CEACAM1: variants seen among roughly 807,000 people sequenced by gnomAD.
The protein encoded by CEACAM1 is CEA cell adhesion molecule 1, also known as cell adhesion molecule CEACAM1.
Under a neutral mutation model 49.1 loss-of-function variants are expected in CEACAM1, and 31 were observed. The ratio of observed to expected loss-of-function variants is 0.63; its 90% CI spans 0.47 to 0.85. The LOEUF (loss-of-function observed/expected upper bound fraction) is 0.85, where lower values mean the gene tolerates loss of function less well. Ranked by LOEUF, CEACAM1 falls within the 40% of genes least tolerant of loss-of-function variation. The pLI, the probability that CEACAM1 is intolerant of heterozygous loss-of-function variation, is 0.00. For synonymous variants in CEACAM1, 244 were observed against 247.8 expected, an observed-to-expected ratio of 0.98 and a Z score of 0.14; for missense variants, 570 against 645.3, an observed-to-expected ratio of 0.88 and a Z score of 1.26.
At position 42,528,476 on chromosome 19, in the gene CEACAM1, T is replaced by G; in HGVS notation, c.-102A>C. ...GTCACCTCTGCTGTTTTCCACTCTCTGTGCTGAGCCTCCTCCCTGGGGCCC... is the reference window on the plus strand; with the variant it reads ...GTCACCTCTGCTGTTTTCCACTCTCGGTGCTGAGCCTCCTCCCTGGGGCCC... On this transcript the variant is annotated 5_prime_UTR_variant, in exon 1 of 9. Coordinates refer to ENST00000161559, the MANE Select transcript of CEACAM1 (RefSeq NM_001712.5). 8.7e-6 allele frequency: 10 copies of G among 1,143,014 alleles called. No homozygotes were observed. The highest frequency in any genetic ancestry group is 1.2e-5 in the Non-Finnish European group (9 of 770,798). 70.8% of individuals were successfully genotyped at this position (1,143,014 alleles called of 1,614,324 possible).
chr19:42,519,088 G>A lies in CEACAM1; in HGVS notation c.1106C>T (p.Ser369Leu), dbSNP rs1052286625. ...GCCCTGGGACAGCTTCATCCTCTCC[G>A]AGGACGGGAGACTCTGGTTTTTGAA... is the stretch of plus-strand genomic sequence containing the variant. ...WFFKNQSLPS[S>L]ERMKLSQGNT... Residue 369 changes from serine to leucine, a missense_variant, in exon 5 of 9, where the codon TCG becomes TTG. Ser to Leu is a moderately radical substitution (Grantham distance 145). Coordinates refer to ENST00000161559, the MANE Select transcript of CEACAM1 (RefSeq NM_001712.5). 1.1e-5 allele frequency: 17 copies of A among 1,613,964 alleles called. No homozygotes were observed. Among genetic ancestry groups the A allele is most frequent in the Admixed American group, 1.7e-5 (1 of 59,996 alleles).
At chr19:42,524,834 G>A (rs960501963) in intron 2 of CEACAM1, among the ~76,000 whole-genome samples, 3 of 152,148 alleles carry the variant, frequency 2.0e-5, no homozygotes, top group Non-Finnish European at 4.4e-5. Flanking sequence ...CCAAGACCAG[G>A]GAGCCCTGAA....
intron 2 of CEACAM1, among the ~76,000 whole-genome samples, chr19:42,525,338 C>G (rs1484037997): frequency 6.6e-6 from 1 of 151,688 alleles, no homozygotes; most frequent in South Asian, 2.1e-4. Context: ...GATTCTACCA[C>G]CTCAGCATCC....
At chr19:42,510,436 C>G (rs112275914) in intron 8 of CEACAM1, among the ~76,000 whole-genome samples, 3,165 of 152,300 alleles carry the variant, frequency 0.021, 71 homozygotes, top group African/African-American at 0.06. Context: ...GATCTCAGAT[C>G]TATTAAAATT....
chr19:42,512,224 G>A (rs1015672452), intron 6 of CEACAM1, 126 bp downstream of exon 6: 16 of 1,090,888 alleles, frequency 1.5e-5, no homozygotes, highest in African/African-American at 1.1e-4. Context: ...AATTAGTGCC[G>A]AGAAGCAGGA....
chr19:42,528,015 T>C (rs1351850305), intron 1 of CEACAM1, among the ~76,000 whole-genome samples: 1 of 152,234 alleles, frequency 6.6e-6, no homozygotes, highest in African/African-American at 2.4e-5. Context: ...CCTTTTAAAA[T>C]GTTTTCCTTA....
At chr19:42,513,893 C>CAT (rs144403954) in intron 5 of CEACAM1, among the ~76,000 whole-genome samples, 5,217 of 104,796 alleles carry the variant, frequency 0.05, 199 homozygotes, top group South Asian at 0.12. Flanking sequence ...CTTCTCCCTC[C>CAT]ATATATATAT....
intron 5 of CEACAM1, among the ~76,000 whole-genome samples, chr19:42,517,315 G>T (rs907006695): frequency 6.6e-6 from 1 of 152,222 alleles, no homozygotes; most frequent in African/African-American, 2.4e-5. Flanking sequence ...GAAAGAAGAA[G>T]TAGAGAAATT....
At chr19:42,510,959 G>T in intron 7 of CEACAM1, 39 bp from the exon 8 acceptor site, 1 of 1,606,468 alleles carries the variant, frequency 6.2e-7, no homozygotes, top group East Asian at 2.2e-5. Context: ...CCATGGAAAT[G>T]CAAAGCTGAC....
chr19:42,527,265 C>A lies in CEACAM1; in HGVS notation c.200G>T (p.Trp67Leu). 1 of 1,614,024 alleles carries A rather than the reference C, an allele frequency of 6.2e-7. No individual in the cohort carries two copies. Among genetic ancestry groups the A allele is most frequent in the Non-Finnish European group, 8.5e-7 (1 of 1,179,968 alleles). Residue 67 changes from tryptophan (W) to leucine (L), a missense_variant, in exon 2 of 9, where the codon TGG (tryptophan) becomes TTG (leucine). Trp to Leu is a moderately conservative substitution (Grantham distance 61). Transcript: ENST00000161559. ...NLPQQLFGYS[W>L]YKGERVDGNR... ...GCCATCCACTCTTTCCCCTTTGTAC[C>A]AGCTGTAGCCAAAAAGTTGCTGGGG...
intron 5 of CEACAM1, chr19:42,515,059 A>C (rs546416896): frequency 1.5e-6 from 1 of 673,250 alleles, no homozygotes; most frequent in Admixed American, 2.2e-5. Flanking sequence ...GCTTGAGCCC[A>C]GGAGTTCGAG....
At chr19:42,524,039 G>A (rs1356691118) in intron 2 of CEACAM1, among the ~76,000 whole-genome samples, 1 of 152,238 alleles carries the variant, frequency 6.6e-6, no homozygotes, top group African/African-American at 2.4e-5. Flanking sequence ...ACAAATTCCT[G>A]TGGAAATTCA....
chr19:42,517,589 C>A (rs1369363513), intron 5 of CEACAM1, among the ~76,000 whole-genome samples: 2 of 152,158 alleles, frequency 1.3e-5, no homozygotes, highest in Non-Finnish European at 2.9e-5. Flanking sequence ...TATTGCTAAT[C>A]ATTAGGGAAG....
At chr19:42,519,508 A>T (rs1317231917) in intron 4 of CEACAM1, 21 of 411,468 alleles carry the variant, frequency 5.1e-5, no homozygotes, top group Non-Finnish European at 8.7e-5. Flanking sequence ...TCCACTTGGA[A>T]TCTTCTTCTC....
rs765715380 is a variant in CEACAM1 at position 42,521,910 on chromosome 19, C to T, written c.703+14G>A. 1 of 1,614,194 alleles carries T rather than the reference C, an allele frequency of 6.2e-7. No individual in the cohort carries two copies. Among genetic ancestry groups the T allele is most frequent in the East Asian group, 2.2e-5 (1 of 44,886 alleles). On this transcript the variant is annotated intron_variant, in intron 3 of 8. Transcript: ENST00000161559. Reference sequence around the variant, plus strand: ...GCTGGCAGCCTGGGCCACAGAGGAACAGAAGATACTCACAGGTGACATTCA... The same window carrying T: ...GCTGGCAGCCTGGGCCACAGAGGAATAGAAGATACTCACAGGTGACATTCA...
chr19:42,511,658 A>T, intron 6 of CEACAM1, 30 bp from the exon 7 acceptor site: 1 of 1,607,886 alleles, frequency 6.2e-7, no homozygotes, highest in Non-Finnish European at 8.5e-7. Context: ...TGTGACTGCT[A>T]TTCCCAAGCA....
intron 2 of CEACAM1, among the ~76,000 whole-genome samples, chr19:42,525,224 A>ATTT (rs538996240): frequency 1.5e-5 from 2 of 131,086 alleles, no homozygotes; most frequent in South Asian, 2.4e-4. Flanking sequence ...AGGCCTGAAC[A>ATTT]TTTTTTTTTT....
At chr19:42,519,323 T>C (rs953990055) in intron 4 of CEACAM1, 88 bp from the exon 5 acceptor site, 6 of 1,365,996 alleles carry the variant, frequency 4.4e-6, no homozygotes, top group African/African-American at 1.4e-5. Context: ...CCTGAGATTT[T>C]AGCCAGCTCT....
chr19:42,516,363 A>G (rs1286189669), intron 5 of CEACAM1, among the ~76,000 whole-genome samples: 1 of 152,228 alleles, frequency 6.6e-6, no homozygotes. Flanking sequence ...ATTTTTGTAT[A>G]CTAATAACAA....
Sources: allele counts gnomAD v4.1 joint callset (sites outside exome capture counted in the v4.1 genomes callset), GRCh38; gene constraint gnomAD v4.1.1; transcripts MANE v1.5; gene names NCBI Gene and HGNC (gene_info 2026-07-23, HGNC 2026-07-21).